Variants in DOCK3 observed in about 807,000 individuals in gnomAD.
DOCK3 encodes dedicator of cytokinesis protein 3.
DOCK3 carries 60 observed loss-of-function variants against 265.6 expected under a neutral mutation model. That is an observed-to-expected ratio of 0.23 (90% CI 0.18 to 0.28). The LOEUF (loss-of-function observed/expected upper bound fraction) is 0.28, where lower values mean the gene tolerates loss of function less well. DOCK3 is among the 10% of genes least tolerant of loss of function. The probability of loss-of-function intolerance (pLI) is 1.00; values close to 1 mark genes in which losing one functional copy is unlikely to be tolerated. For missense variants in DOCK3, 1,981 were observed against 2,594.3 expected (o/e 0.76, Z 5.14); for synonymous variants, 881 against 938.0 (o/e 0.94, Z 1.11).
chr3:51,025,426 G>A lies in DOCK3; in HGVS notation c.316-39022G>A, dbSNP rs569013292. ...TCGGTGTCACTCCTGCGGTGCTCTG[G>A]TGACAGCACCTGGTTTAGATCTAGG... On this transcript the variant is annotated intron_variant, in intron 5 of 52. Coordinates refer to ENST00000266037, the MANE Select transcript of DOCK3 (RefSeq NM_004947.5). Among the ~76,000 whole-genome samples, 133 of 152,172 alleles carry A rather than the reference G, an allele frequency of 8.7e-4. 1 individual carries two copies. Among genetic ancestry groups the A allele is most frequent in the Non-Finnish European group, 7.2e-4 (49 of 67,992 alleles).
chr3:50,804,317 C>T (rs913911293), intron 2 of DOCK3, among the ~76,000 whole-genome samples: 13 of 152,122 alleles, frequency 8.5e-5, no homozygotes, highest in Non-Finnish European at 1.5e-4. Context: ...CAGAGACGCT[C>T]CTCGCTTCCC....
intron 27 of DOCK3, among the ~76,000 whole-genome samples, chr3:51,295,430 C>A (rs181057644): frequency 6.6e-6 from 1 of 152,162 alleles, no homozygotes; most frequent in East Asian, 1.9e-4. Context: ...TGGATCCACC[C>A]CTATGGCCCA....
chr3:51,305,745 T>TGTGTGC (rs1460355485), intron 27 of DOCK3, among the ~76,000 whole-genome samples: 1 of 150,290 alleles, frequency 6.7e-6, no homozygotes, highest in Non-Finnish European at 1.5e-5. Context: ...CGTGTGTGTG[T>TGTGTGC]GTGTGTGTGT....
intron 48 of DOCK3, 42 bp downstream of exon 48, chr3:51,362,039 T>G (rs2086776571): frequency 6.4e-7 from 1 of 1,568,852 alleles, no homozygotes; most frequent in African/African-American, 1.4e-5. Context: ...GCACCATGCC[T>G]ACAGAACTCA....
intron 3 of DOCK3, among the ~76,000 whole-genome samples, chr3:50,859,243 A>T (rs1239810304): frequency 1.7e-5 from 2 of 117,638 alleles, no homozygotes; most frequent in African/African-American, 3.4e-5. Context: ...TTGAGACGGA[A>T]TCTGACTCTG....
At chr3:51,035,169 C>T (rs2080217456) in intron 5 of DOCK3, among the ~76,000 whole-genome samples, 1 of 152,068 alleles carries the variant, frequency 6.6e-6, no homozygotes, top group South Asian at 2.1e-4. Flanking sequence ...ATTATTTCTA[C>T]AAATATTTTT....
At chr3:51,168,938 A>G (rs528666758) in intron 12 of DOCK3, among the ~76,000 whole-genome samples, 2 of 152,352 alleles carry the variant, frequency 1.3e-5, no homozygotes, top group Non-Finnish European at 2.9e-5. Context: ...ACATGTATAG[A>G]CACCTTCAAA....
In DOCK3 at chr3:51,016,962, A is replaced by ATG. The variant is rs1448458471; in HGVS notation, c.316-47485_316-47484insGT. 2.6e-4 allele frequency among the ~76,000 whole-genome samples: 6 copies of ATG among 22,832 alleles called. No individual in the cohort carries two copies. In the Admixed American group the frequency reaches 3.2e-3, roughly 12 times the overall value. 15.0% of individuals were successfully genotyped at this position (22,832 alleles called of 152,430 possible). A position where few individuals can be genotyped will look rare whatever the true frequency, so the allele number is the denominator to read the frequency against. On this transcript the variant is annotated intron_variant, in intron 5 of 52. Transcript: ENST00000266037. ...ATATGTTATATATAATATATATATTATATATATATAAATAAATGGTAAAAT... is the reference window on the plus strand; with the variant it reads ...ATATGTTATATATAATATATATATTATGTATATATATAAATAAATGGTAAAAT...
chr3:50,925,979 C>T (rs924408200), intron 4 of DOCK3, among the ~76,000 whole-genome samples: 18 of 151,812 alleles, frequency 1.2e-4, no homozygotes, highest in Admixed American at 3.3e-4. Flanking sequence ...TTACAAGGCA[C>T]GCACCACCAA....
intron 1 of DOCK3, among the ~76,000 whole-genome samples, chr3:50,711,107 T>TA (rs1168499300): frequency 6.6e-6 from 1 of 152,128 alleles, no homozygotes; most frequent in Non-Finnish European, 1.5e-5. Flanking sequence ...ACTATTGAAA[T>TA]AAAAAAGGCC....
At chr3:50,950,355 C>CT (rs149628583) in intron 5 of DOCK3, among the ~76,000 whole-genome samples, 2,820 of 152,224 alleles carry the variant, frequency 0.019, 26 homozygotes, top group Non-Finnish European at 0.028. Flanking sequence ...CCTTGGAACT[C>CT]TAAGTGTAGT....
Position 51,139,846 on chromosome 3 carries a change from A to G in DOCK3, c.747-6703A>G, listed in dbSNP as rs111410616. 4.6e-5 allele frequency among the ~76,000 whole-genome samples: 7 copies of G among 152,358 alleles called. 2 individuals carry two copies. Among genetic ancestry groups the G allele is most frequent in the African/African-American group, 1.7e-4 (7 of 41,588 alleles). The stretch of plus-strand genomic sequence containing the variant: ...ACTTGGGCTGAAAGAACAGCATTCC[A>G]GAGAAAACAACATGCACAAAGGTCC... On this transcript the variant is annotated intron_variant, in intron 9 of 52. Coordinates refer to ENST00000266037, the MANE Select transcript of DOCK3 (RefSeq NM_004947.5).
chr3:51,051,649 C>A (rs2080997613), intron 5 of DOCK3, among the ~76,000 whole-genome samples: 1 of 152,048 alleles, frequency 6.6e-6, no homozygotes, highest in African/African-American at 2.4e-5. Flanking sequence ...AAGCCAATAC[C>A]CTTTCCCACT....
intron 3 of DOCK3, among the ~76,000 whole-genome samples, chr3:50,852,106 C>T (rs2107397167): frequency 6.6e-6 from 1 of 152,328 alleles, no homozygotes; most frequent in South Asian, 2.1e-4. Flanking sequence ...GCCTCTTGCA[C>T]GTACTAGGGC....
At chr3:51,242,416 G>T (rs2078650781) in intron 21 of DOCK3, among the ~76,000 whole-genome samples, 1 of 152,196 alleles carries the variant, frequency 6.6e-6, no homozygotes, top group African/African-American at 2.4e-5. Flanking sequence ...GCCAGCAGCA[G>T]TGGGTACAGC....
chr3:51,093,729 C>T (rs2082722522), intron 9 of DOCK3, among the ~76,000 whole-genome samples: 1 of 152,178 alleles, frequency 6.6e-6, no homozygotes, highest in Non-Finnish European at 1.5e-5. Context: ...GGTGAGAGGG[C>T]ATCCTTGTCT....
At chr3:50,962,834 A>G (rs963914860) in intron 5 of DOCK3, among the ~76,000 whole-genome samples, 1 of 152,162 alleles carries the variant, frequency 6.6e-6, no homozygotes, top group African/African-American at 2.4e-5. Context: ...TCCTCCCTTT[A>G]TGCAATGCTT....
At chr3:50,744,027 T>C (rs1272422025) in intron 1 of DOCK3, among the ~76,000 whole-genome samples, 2 of 152,228 alleles carry the variant, frequency 1.3e-5, no homozygotes, top group Non-Finnish European at 2.9e-5. Flanking sequence ...GATTTGCATT[T>C]TCCTAATGAG....
intron 1 of DOCK3, among the ~76,000 whole-genome samples, chr3:50,766,977 G>A (rs1213636876): frequency 6.6e-6 from 1 of 150,986 alleles, no homozygotes; most frequent in African/African-American, 2.4e-5. Context: ...GTTTTTTTTT[G>A]TTGTAAATTT....
Sources: gnomAD v4.1 joint callset for allele counts (sites outside exome capture counted in the v4.1 genomes callset) on GRCh38, gnomAD v4.1.1 for gene constraint, MANE v1.5 for transcripts, NCBI Gene and HGNC (gene_info 2026-07-23, HGNC 2026-07-21) for gene names.